Variants in ETV6 observed in about 807,000 individuals in gnomAD.
ETV6 encodes ETS variant transcription factor 6, also known as transcription factor ETV6.
Under a neutral mutation model 51.1 loss-of-function variants are expected in ETV6, and 16 were observed. The ratio of observed to expected loss-of-function variants is 0.31; its 90% CI spans 0.21 to 0.48. ETV6 has a LOEUF of 0.48. ETV6 is among the 20% of genes least tolerant of loss of function. The pLI is 0.99. For synonymous variants in ETV6, 240 were observed against 224.1 expected (o/e 1.07, Z -0.64); for missense variants, 458 against 594.8 (o/e 0.77, Z 2.39).
chr12:11,666,900 C>T (rs1864205571), intron 1 of ETV6, among the ~76,000 whole-genome samples: 1 of 152,232 alleles, frequency 6.6e-6, no homozygotes, highest in African/African-American at 2.4e-5. Flanking sequence ...CGAGGCTTCT[C>T]TTGGCCTGTC....
At chr12:11,827,569 C>T (rs972578792) in intron 2 of ETV6, among the ~76,000 whole-genome samples, 2 of 152,112 alleles carry the variant, frequency 1.3e-5, no homozygotes, top group African/African-American at 2.4e-5. Context: ...CTCCTGTCCA[C>T]CTCCACCTCC....
At chr12:11,717,676 C>T (rs1305716603) in intron 1 of ETV6, among the ~76,000 whole-genome samples, 1 of 152,194 alleles carries the variant, frequency 6.6e-6, no homozygotes, top group African/African-American at 2.4e-5. Context: ...TCATCTGACT[C>T]ATTTTGAAAA....
intron 2 of ETV6, among the ~76,000 whole-genome samples, chr12:11,833,669 G>A (rs115013057): frequency 0.01 from 1,550 of 152,202 alleles, 25 homozygotes; most frequent in African/African-American, 0.035. Flanking sequence ...CCATAAATGG[G>A]GATCATTCCT....
intron 2 of ETV6, among the ~76,000 whole-genome samples, chr12:11,776,707 A>G (rs1409926158): frequency 6.6e-6 from 1 of 151,008 alleles, no homozygotes; most frequent in African/African-American, 2.4e-5. Flanking sequence ...GAACAAAAAT[A>G]TAATCCAGTG....
intron 5 of ETV6, among the ~76,000 whole-genome samples, chr12:11,874,589 T>C (rs1474760936): frequency 8.2e-5 from 1 of 12,236 alleles, no homozygotes; most frequent in African/African-American, 1.1e-4. Flanking sequence ...TATGTGTGTA[T>C]ACACATATAT....
intron 1 of ETV6, among the ~76,000 whole-genome samples, chr12:11,684,178 A>G (rs1300882228): frequency 2.0e-5 from 3 of 152,240 alleles, no homozygotes; most frequent in Non-Finnish European, 4.4e-5. Flanking sequence ...TCATGTGTAC[A>G]TGCAGTTCTT....
chr12:11,774,613 G>T (rs895090506), intron 2 of ETV6, among the ~76,000 whole-genome samples: 6 of 152,154 alleles, frequency 3.9e-5, no homozygotes, highest in African/African-American at 1.4e-4. Flanking sequence ...GTAAATAAAT[G>T]GTGCCCAGGT....
intron 5 of ETV6, among the ~76,000 whole-genome samples, chr12:11,871,669 T>C (rs1018833713): frequency 2.6e-5 from 4 of 152,126 alleles, no homozygotes; most frequent in African/African-American, 9.7e-5. Flanking sequence ...AAAAAGGAAA[T>C]GATATATGTT....
At chr12:11,756,452 G>A (rs777268782) in intron 2 of ETV6, among the ~76,000 whole-genome samples, 2 of 152,048 alleles carry the variant, frequency 1.3e-5, no homozygotes, top group African/African-American at 2.4e-5. Flanking sequence ...TAGAAGAGCC[G>A]AAGTACAATT....
At chr12:11,730,566 T>C (rs1041110981) in intron 1 of ETV6, among the ~76,000 whole-genome samples, 2 of 152,240 alleles carry the variant, frequency 1.3e-5, no homozygotes, top group East Asian at 3.8e-4. Flanking sequence ...TCCATAACTG[T>C]GGACTCTCCT....
At chr12:11,672,719 T>A (rs1864343543) in intron 1 of ETV6, among the ~76,000 whole-genome samples, 1 of 152,136 alleles carries the variant, frequency 6.6e-6, no homozygotes, top group South Asian at 2.1e-4. Flanking sequence ...CCACCACACG[T>A]GTTAACAGCA....
At position 11,869,628 on chromosome 12, in the gene ETV6, C is replaced by T. The variant is rs373315577; in HGVS notation, c.668C>T (p.Pro223Leu). The change falls in exon 5 of 8, where the codon CCG becomes CTG. Residue 223 changes from proline (P) to leucine (L), a missense_variant. By Grantham distance (98) the Pro-to-Leu change is moderately conservative. Around this residue, in one of 4 missense-constraint regions of ETV6, gnomAD observed 293 missense variants for 315.7 expected, o/e 0.93. Coordinates refer to ENST00000396373, the MANE Select transcript of ETV6 (RefSeq NM_001987.5). This position sits in a 1 kb window ranked among gnomAD's most constrained non-coding sequence, Gnocchi z 5.0. Reference sequence around the variant, plus strand: ...GCTGAGAGAGCTCAGGGACCCAGGCCGCACCAGGAGAACAACCACCAGGAG... The same window carrying T: ...GCTGAGAGAGCTCAGGGACCCAGGCTGCACCAGGAGAACAACCACCAGGAG... ...SPAERAQGPR[P>L]HQENNHQESY... 276 of 1,614,054 alleles carry T rather than the reference C, an allele frequency of 1.7e-4. No homozygotes were observed. The highest frequency in any genetic ancestry group is 2.2e-4 in the Non-Finnish European group (263 of 1,180,040).
intron 2 of ETV6, among the ~76,000 whole-genome samples, chr12:11,771,508 G>T (rs577075158): frequency 2.6e-5 from 4 of 152,310 alleles, no homozygotes; most frequent in African/African-American, 9.6e-5. Flanking sequence ...TGAGATACTT[G>T]TGTGTCTGGA....
intron 2 of ETV6, among the ~76,000 whole-genome samples, chr12:11,823,005 T>G (rs527661413): frequency 6.6e-6 from 1 of 152,254 alleles, no homozygotes; most frequent in South Asian, 2.1e-4. Flanking sequence ...GACTGGCATG[T>G]CAGGGATGAG....
At chr12:11,760,878 A>ATATGTGTGTGTGTG (rs1337448290) in intron 2 of ETV6, among the ~76,000 whole-genome samples, 1 of 148,426 alleles carries the variant, frequency 6.7e-6, no homozygotes, top group Non-Finnish European at 1.5e-5. Flanking sequence ...TATTATATAT[A>ATATGTGTGTGTGTG]TGTGTGTGTG....
chr12:11,817,177 C>T (rs1946006109), intron 2 of ETV6, among the ~76,000 whole-genome samples: 1 of 152,196 alleles, frequency 6.6e-6, no homozygotes, highest in South Asian at 2.1e-4. Context: ...AAAATGGGAA[C>T]AGTAATATCC....
At chr12:11,766,729 A>G (rs1945166998) in intron 2 of ETV6, among the ~76,000 whole-genome samples, 1 of 151,988 alleles carries the variant, frequency 6.6e-6, no homozygotes, top group Non-Finnish European at 1.5e-5. Flanking sequence ...CCCTTTTGAC[A>G]TAAAGCAATG....
intron 1 of ETV6, among the ~76,000 whole-genome samples, chr12:11,716,009 C>A (rs532088406): frequency 1.3e-5 from 2 of 152,340 alleles, no homozygotes; most frequent in South Asian, 4.1e-4. Context: ...GCGGAACACT[C>A]TGGATCTGAT....
intron 5 of ETV6, among the ~76,000 whole-genome samples, chr12:11,882,999 G>A (rs1362558309): frequency 6.6e-6 from 1 of 152,224 alleles, no homozygotes; most frequent in African/African-American, 2.4e-5. Flanking sequence ...TACAGGTAAA[G>A]TGCCGAGTTC....
Sources: gnomAD v4.1 joint callset for allele counts (sites outside exome capture counted in the v4.1 genomes callset) on GRCh38, gnomAD v4.1.1 for gene constraint, gnomAD v4.1.1 regional missense constraint, Gnocchi (gnomAD v3.1) non-coding constraint, MANE v1.5 for transcripts, NCBI Gene and HGNC (gene_info 2026-07-23, HGNC 2026-07-21) for gene names.